Variants in GRID2 observed in about 807,000 individuals in gnomAD.
The protein encoded by GRID2 is glutamate ionotropic receptor delta type subunit 2.
GRID2 carries 33 observed loss-of-function variants against 114.8 expected under a neutral mutation model. The observed-to-expected ratio is 0.29, with a 90% confidence interval of 0.22 to 0.38. The LOEUF is 0.38. Ranked by LOEUF, GRID2 falls within the 10% of genes least tolerant of loss-of-function variation. GRID2 has a pLI of 1.00. For missense variants in GRID2, 1,184 were observed against 1,257.7 expected (o/e 0.94, Z 0.89); for synonymous variants, 505 against 449.9 (o/e 1.12, Z -1.55).
chr4:92,884,002 T>C (rs1206827520), intron 2 of GRID2, among the ~76,000 whole-genome samples: 1 of 152,186 alleles, frequency 6.6e-6, no homozygotes, highest in Non-Finnish European at 1.5e-5. Context: ...ACTTCTCCTC[T>C]TTAGCTATGA....
At chr4:92,945,684 G>A (rs1751571274) in intron 2 of GRID2, among the ~76,000 whole-genome samples, 4 of 152,120 alleles carry the variant, frequency 2.6e-5, no homozygotes, top group Admixed American at 2.6e-4. Flanking sequence ...ATGATTACTT[G>A]AAAAATAACT....
chr4:92,795,303 T>C (rs1192883056), intron 2 of GRID2, among the ~76,000 whole-genome samples: 1 of 151,902 alleles, frequency 6.6e-6, no homozygotes, highest in Non-Finnish European at 1.5e-5. Flanking sequence ...TCTAGTGATA[T>C]TGAATACGTC....
chr4:93,264,932 G>A (rs577551028), intron 8 of GRID2, among the ~76,000 whole-genome samples: 75 of 151,426 alleles, frequency 5.0e-4, no homozygotes, highest in Middle Eastern at 3.4e-3. Context: ...ACAGGTGCCC[G>A]CCACCATGCC....
intron 8 of GRID2, among the ~76,000 whole-genome samples, chr4:93,313,374 G>A (rs1346642495): frequency 3.9e-5 from 6 of 152,138 alleles, no homozygotes; most frequent in African/African-American, 1.4e-4. Context: ...CCTCTTCACA[G>A]CAGTCTGCCA....
intron 2 of GRID2, among the ~76,000 whole-genome samples, chr4:92,971,526 T>C (rs1753520187): frequency 6.6e-6 from 1 of 152,124 alleles, no homozygotes; most frequent in Non-Finnish European, 1.5e-5. Flanking sequence ...CAAACATTTA[T>C]CATTTCTCTG....
intron 4 of GRID2, among the ~76,000 whole-genome samples, chr4:93,178,466 A>G (rs1416625724): frequency 2.3e-5 from 3 of 133,052 alleles, no homozygotes; most frequent in South Asian, 2.3e-4. Context: ...ATGCAATCAC[A>G]GCTCACTGTA....
intron 2 of GRID2, among the ~76,000 whole-genome samples, chr4:92,794,872 T>TG: frequency 1.4e-5 from 1 of 69,366 alleles, no homozygotes; most frequent in East Asian, 5.2e-4. Flanking sequence ...TAAATAATTG[T>TG]TTTATATATA....
At chr4:92,883,362 T>C (rs1746150044) in intron 2 of GRID2, among the ~76,000 whole-genome samples, 1 of 152,212 alleles carries the variant, frequency 6.6e-6, no homozygotes, top group African/African-American at 2.4e-5. Context: ...TCCACTGAAG[T>C]CTTGAACTTC....
intron 4 of GRID2, among the ~76,000 whole-genome samples, chr4:93,126,764 A>G (rs1391645544): frequency 6.7e-6 from 1 of 150,090 alleles, no homozygotes; most frequent in Admixed American, 6.6e-5. Context: ...CGCCCGGCTA[A>G]TTTTTTGTAT....
chr4:92,596,180 G>A (rs1728943195), intron 2 of GRID2, among the ~76,000 whole-genome samples: 1 of 152,068 alleles, frequency 6.6e-6, no homozygotes, highest in South Asian at 2.1e-4. Flanking sequence ...TTGTCTGTAG[G>A]AGCTGAGAAA....
intron 8 of GRID2, among the ~76,000 whole-genome samples, chr4:93,244,630 A>C (rs10032902): frequency 8.0e-5 from 2 of 24,958 alleles, no homozygotes; most frequent in Non-Finnish European, 1.9e-4. Flanking sequence ...AATCTATTAT[A>C]TATTAATTAA....
intron 14 of GRID2, among the ~76,000 whole-genome samples, chr4:93,742,599 A>G (rs1347014365): frequency 1.3e-5 from 2 of 152,314 alleles, no homozygotes; most frequent in Admixed American, 1.3e-4. Flanking sequence ...TTCTCGCAAT[A>G]GTTCAGACTT....
At chr4:93,291,089 G>C (rs1579563768) in intron 8 of GRID2, among the ~76,000 whole-genome samples, 1 of 151,932 alleles carries the variant, frequency 6.6e-6, no homozygotes, top group Non-Finnish European at 1.5e-5. Flanking sequence ...GTGTTAGCCA[G>C]GATGGTCTCG....
At chr4:93,705,181 A>C (rs183531797) in intron 14 of GRID2, among the ~76,000 whole-genome samples, 406 of 152,162 alleles carry the variant, frequency 2.7e-3, no homozygotes, top group Non-Finnish European at 4.7e-3. Context: ...TTGGAGTTTT[A>C]ATTTACAGTT....
chr4:92,728,192 T>C lies in GRID2; in HGVS notation c.244+137906T>C, dbSNP rs577908171. Among the ~76,000 whole-genome samples, 8 of 152,128 alleles carry C rather than the reference T, an allele frequency of 5.3e-5. No individual in the cohort carries two copies. The East Asian group carries it at 1.4e-3, about 26-fold the overall frequency. ...GAGGGTATAATGTGATTGAACCTCT[T>C]ATAATTTTCTACTTCCCTACATAAC... On this transcript the variant is annotated intron_variant, in intron 2 of 15. Transcript: ENST00000282020.
chr4:93,111,077 A>C, intron 4 of GRID2, 124 bp downstream of exon 4: 1 of 654,872 alleles, frequency 1.5e-6, no homozygotes, highest in Non-Finnish European at 2.7e-6. Context: ...TCTTGTTAAC[A>C]CTAATGGAGG....
chr4:92,549,433 G>A (rs1469794276), intron 1 of GRID2, among the ~76,000 whole-genome samples: 2 of 151,978 alleles, frequency 1.3e-5, no homozygotes, highest in Non-Finnish European at 2.9e-5. Flanking sequence ...TCACTCATTG[G>A]ATGAGTCCTC....
intron 1 of GRID2, among the ~76,000 whole-genome samples, chr4:92,439,798 A>T (rs1732940641): frequency 6.9e-6 from 1 of 145,980 alleles, no homozygotes; most frequent in Non-Finnish European, 1.5e-5. Context: ...GCCAGCAAAG[A>T]TTATTTATTT....
intron 1 of GRID2, among the ~76,000 whole-genome samples, chr4:92,357,682 GATTA>G (rs1036974596): frequency 7.9e-5 from 12 of 151,814 alleles, no homozygotes; most frequent in Admixed American, 2.0e-4. Context: ...ATAATAAAAA[GATTA>G]ATTAAAGGCT....
Sources: gnomAD v4.1 joint callset for allele counts (sites outside exome capture counted in the v4.1 genomes callset) on GRCh38, gnomAD v4.1.1 for gene constraint, MANE v1.5 for transcripts, NCBI Gene and HGNC (gene_info 2026-07-23, HGNC 2026-07-21) for gene names.